FREM3: variants seen among roughly 807,000 people sequenced by gnomAD.
FREM3 encodes FRAS1 related extracellular matrix 3, also known as FRAS1-related extracellular matrix protein 3.
Under a neutral mutation model 129.1 loss-of-function variants are expected in FREM3, and 105 were observed. That is an observed-to-expected ratio of 0.81 (90% CI 0.69 to 0.96). The LOEUF is 0.96. Among genes scored for constraint, FREM3 ranks in the 40% least tolerant of loss-of-function variants. The pLI, the probability that FREM3 is intolerant of heterozygous loss-of-function variation, is 0.00. For synonymous variants in FREM3, 1,014 were observed against 1,044.9 expected, an observed-to-expected ratio of 0.97 and a Z score of 0.57; for missense variants, 2,593 against 2,666.3, an observed-to-expected ratio of 0.97 and a Z score of 0.61.
chr4:143,637,657 T>C (rs1739256001), intron 2 of FREM3, among the ~76,000 whole-genome samples: 1 of 152,128 alleles, frequency 6.6e-6, no homozygotes, highest in African/African-American at 2.4e-5. Flanking sequence ...TACAGGCTCA[T>C]ATCCATTCTC....
chr4:143,594,118 C>G (rs1738419823), intron 6 of FREM3, among the ~76,000 whole-genome samples: 1 of 152,180 alleles, frequency 6.6e-6, no homozygotes, highest in Admixed American at 6.5e-5. Context: ...TTTCCAGGTG[C>G]CGTCTGTCAC....
chr4:143,622,389 C>T (rs940390365), intron 4 of FREM3, among the ~76,000 whole-genome samples: 5 of 145,388 alleles, frequency 3.4e-5, no homozygotes, highest in Non-Finnish European at 6.0e-5. Flanking sequence ...CCACTGCACC[C>T]GGCTGGCAAT....
At chr4:143,589,138 T>G (rs1738304194) in intron 6 of FREM3, among the ~76,000 whole-genome samples, 1 of 152,230 alleles carries the variant, frequency 6.6e-6, no homozygotes, top group African/African-American at 2.4e-5. Flanking sequence ...TTCTGGATAT[T>G]AGCCCTTTGT....
At chr4:143,634,849 G>A (rs1183142375) in intron 2 of FREM3, among the ~76,000 whole-genome samples, 1 of 152,082 alleles carries the variant, frequency 6.6e-6, no homozygotes, top group African/African-American at 2.4e-5. Flanking sequence ...GGAGGTGTGG[G>A]ATGAGGGGAT....
At chr4:143,649,809 C>T (rs1739479510) in intron 2 of FREM3, among the ~76,000 whole-genome samples, 1 of 152,140 alleles carries the variant, frequency 6.6e-6, no homozygotes, top group Non-Finnish European at 1.5e-5. Context: ...AAATTAAGGT[C>T]TGTTTACACA....
Position 143,698,000 on chromosome 4 carries a change from T to A in FREM3, c.2676A>T (p.Gln892His). The A allele has an allele frequency of 6.5e-7, 1 of 1,537,430 alleles. No homozygotes were observed. Residue 892 changes from glutamine to histidine, a missense_variant, in exon 1 of 8, where the codon CAA (glutamine) becomes CAT (histidine). Coordinates refer to ENST00000329798, the MANE Select transcript of FREM3 (RefSeq NM_001168235.2). ...AGACACTCCCGTTAATAACATCAGC[T>A]TGCATGAAAGATTCCCCTGGGACCA... ...RCMVPGESFM[Q>H]ADVINGSVSY...
At chr4:143,676,428 C>T (rs1240377360) in intron 2 of FREM3, among the ~76,000 whole-genome samples, 3 of 152,154 alleles carry the variant, frequency 2.0e-5, no homozygotes, top group South Asian at 2.1e-4. Flanking sequence ...GACTCACAGC[C>T]AATATCATAC....
Position 143,699,542 on chromosome 4 carries a change from G to C in FREM3, c.1134C>G (p.Thr378=), listed in dbSNP as rs1041603291. 5.2e-6 allele frequency: 8 copies of C among 1,537,026 alleles called. No homozygotes were observed. Among genetic ancestry groups the C allele is most frequent in the African/African-American group, 2.7e-5 (2 of 73,048 alleles). ...TCTTCAGCTCCCTCAGCTCCTGCTGGGTGAAGAAGGAGACTGGAAGCCCTA... is the reference window on the plus strand; with the variant it reads ...TCTTCAGCTCCCTCAGCTCCTGCTGCGTGAAGAAGGAGACTGGAAGCCCTA... ...DPLGLPVSFF[T]QQELRELKIA... is the part of the protein sequence containing the mutation. The change falls in exon 1 of 8, where the codon ACC becomes ACG. Residue 378 remains threonine, a synonymous_variant. Coordinates refer to ENST00000329798, the MANE Select transcript of FREM3 (RefSeq NM_001168235.2). This position sits in a 1 kb window ranked among gnomAD's most constrained non-coding sequence, Gnocchi z 4.2.
chr4:143,611,521 G>A lies in FREM3; in HGVS notation c.5786C>T (p.Ala1929Val). 2.6e-6 allele frequency: 4 copies of A among 1,536,786 alleles called. No individual in the cohort carries two copies. Among genetic ancestry groups the A allele is most frequent in the Non-Finnish European group, 3.5e-6 (4 of 1,146,598 alleles). ...CACTGTGGAAGAAATCGTGCCTGTG[G>A]CAGAACCTACAGAAATATGAGAAGG... ...IVICSTRQGS[A>V]TGTISSTVLF... Residue 1929 changes from alanine (A) to valine (V), a missense_variant, in exon 6 of 8, where the codon GCC (alanine) becomes GTC (valine). This residue lies in a region of FREM3 where 317 missense variants were observed against 399.0 expected (regional missense o/e 0.79). Coordinates refer to ENST00000329798, the MANE Select transcript of FREM3 (RefSeq NM_001168235.2).
intron 6 of FREM3, among the ~76,000 whole-genome samples, chr4:143,594,486 C>G (rs1237306020): frequency 2.0e-5 from 3 of 152,106 alleles, no homozygotes; most frequent in African/African-American, 7.2e-5. Context: ...GACAAAGTCT[C>G]AAGAATTTGT....
At chr4:143,646,175 T>C (rs1739412133) in intron 2 of FREM3, among the ~76,000 whole-genome samples, 1 of 152,166 alleles carries the variant, frequency 6.6e-6, no homozygotes. Flanking sequence ...TTGCCCAACA[T>C]TTAAAATTAT....
chr4:143,674,838 C>A lies in FREM3; in HGVS notation c.5275+18275G>T, dbSNP rs1740077953. 2.0e-5 allele frequency among the ~76,000 whole-genome samples: 3 copies of A among 152,158 alleles called. No individual in the cohort carries two copies. The South Asian group carries it at 6.2e-4, about 32-fold the overall frequency. On this transcript the variant is annotated intron_variant, in intron 2 of 7. Coordinates refer to ENST00000329798, the MANE Select transcript of FREM3 (RefSeq NM_001168235.2). Reference sequence around the variant, plus strand: ...AAAGGGATCAATTCAACAAGAAGAGCTAACTGTCCTAAATATATATTCACC... The same window carrying A: ...AAAGGGATCAATTCAACAAGAAGAGATAACTGTCCTAAATATATATTCACC...
intron 2 of FREM3, among the ~76,000 whole-genome samples, chr4:143,669,330 G>A (rs1739923456): frequency 6.6e-6 from 1 of 152,154 alleles, no homozygotes; most frequent in Non-Finnish European, 1.5e-5. Flanking sequence ...TTTAGAGAGA[G>A]GGTCTAGCTC....
At chr4:143,580,148 T>C (rs1032591) in intron 7 of FREM3, among the ~76,000 whole-genome samples, 149,813 of 152,220 alleles carry the variant, frequency 0.98, 73,759 homozygotes, top group East Asian at 1. Flanking sequence ...CTAGAAGCTG[T>C]TAGTGTGTGC....
Position 143,695,982 on chromosome 4 carries a change from C to T in FREM3, c.4694G>A (p.Ser1565Asn), listed in dbSNP as rs997278248. ...ITLLELTVED[S>N]DTPDDLILFT... Reference sequence around the variant, plus strand: ...GAGAATAAGGTCATCTGGGGTATCACTGTCTTCCACTGTCAACTCAAGGAG... The same window carrying T: ...GAGAATAAGGTCATCTGGGGTATCATTGTCTTCCACTGTCAACTCAAGGAG... The change falls in exon 1 of 8, where the codon AGT (serine) becomes AAT (asparagine). Residue 1565 changes from serine (S) to asparagine (N), a missense_variant. Transcript: ENST00000329798. The T allele has an allele frequency of 6.5e-7, 1 of 1,537,892 alleles. No individual in the cohort carries two copies. The highest frequency in any genetic ancestry group is 1.4e-5 in the African/African-American group (1 of 73,160).
In FREM3 at chr4:143,699,730, CCAT is replaced by C; in HGVS notation, c.943_945del (p.Met315del). 6.6e-7 allele frequency: 1 copy of C among 1,518,808 alleles called. No homozygotes were observed. The highest frequency in any genetic ancestry group is 8.8e-7 in the Non-Finnish European group (1 of 1,136,330). 94.1% of individuals were successfully genotyped at this position (1,518,808 alleles called of 1,614,324 possible). On this transcript the variant is annotated inframe_deletion, in exon 1 of 8. Transcript: ENST00000329798. This position sits in a 1 kb window ranked among gnomAD's most constrained non-coding sequence, Gnocchi z 4.2. Reference sequence around the variant, plus strand: ...GCTGTCAGCACCAGTGGATCCACCTCCATCATCATCGTGGCCATGAAGCTGGGC... The same window carrying C: ...GCTGTCAGCACCAGTGGATCCACCTCCATCATCGTGGCCATGAAGCTGGGC...
intron 2 of FREM3, among the ~76,000 whole-genome samples, chr4:143,667,738 C>G (rs1739889668): frequency 6.6e-6 from 1 of 152,206 alleles, no homozygotes; most frequent in Admixed American, 6.5e-5. Context: ...GGCTTAGTGC[C>G]TTCCCCGATA....
intron 7 of FREM3, among the ~76,000 whole-genome samples, chr4:143,579,668 TA>T (rs1389592699): frequency 6.6e-6 from 1 of 152,204 alleles, no homozygotes; most frequent in Non-Finnish European, 1.5e-5. Context: ...TTATGGATGG[TA>T]GAGCAAGGAT....
chr4:143,643,162 G>A (rs1481926798), intron 2 of FREM3, among the ~76,000 whole-genome samples: 1 of 152,132 alleles, frequency 6.6e-6, no homozygotes, highest in Non-Finnish European at 1.5e-5. Flanking sequence ...CTTACTGCTG[G>A]TAGGAATATA....
Sources: gnomAD v4.1 joint callset for allele counts (sites outside exome capture counted in the v4.1 genomes callset) on GRCh38, gnomAD v4.1.1 for gene constraint, gnomAD v4.1.1 regional missense constraint, Gnocchi (gnomAD v3.1) non-coding constraint, MANE v1.5 for transcripts, NCBI Gene and HGNC (gene_info 2026-07-23, HGNC 2026-07-21) for gene names.